FAM227B: variants seen among roughly 807,000 people sequenced by gnomAD.
FAM227B encodes family with sequence similarity 227 member B.
FAM227B carries 88 observed loss-of-function variants against 73.8 expected under a neutral mutation model. That is an observed-to-expected ratio of 1.19 (90% confidence interval 1.00 to 1.42). The LOEUF is 1.42. Among genes scored for constraint, FAM227B ranks in the 40% most tolerant of loss-of-function variants. FAM227B has a pLI of 0.00. For missense variants in FAM227B, 632 were observed against 590.9 expected (o/e 1.07, Z -0.72); for synonymous variants, 210 against 190.5 (o/e 1.10, Z -0.84).
intron 10 of FAM227B, among the ~76,000 whole-genome samples, chr15:49,516,194 C>A (rs1432513180): frequency 6.6e-6 from 1 of 152,072 alleles, no homozygotes; most frequent in Non-Finnish European, 1.5e-5. Flanking sequence ...CCCTTTCCTT[C>A]AGTGACTGCT....
intron 2 of FAM227B, among the ~76,000 whole-genome samples, chr15:49,613,349 C>G (rs1298332103): frequency 6.6e-6 from 1 of 152,060 alleles, no homozygotes; most frequent in African/African-American, 2.4e-5. Flanking sequence ...AAACCCCAGT[C>G]TCTTATAAAA....
chr15:49,388,753 A>G (rs934368582), intron 11 of FAM227B, among the ~76,000 whole-genome samples: 2 of 152,084 alleles, frequency 1.3e-5, no homozygotes, highest in Non-Finnish European at 2.9e-5. Flanking sequence ...AAGGACTAGT[A>G]TCCAGAATGT....
intron 5 of FAM227B, among the ~76,000 whole-genome samples, chr15:49,586,815 A>G (rs1021869994): frequency 6.6e-6 from 1 of 152,120 alleles, no homozygotes; most frequent in Non-Finnish European, 1.5e-5. Context: ...GCAAATCAAA[A>G]CCGCAATGAG....
At chr15:49,544,483 T>C (rs901412906) in intron 9 of FAM227B, among the ~76,000 whole-genome samples, 7 of 152,168 alleles carry the variant, frequency 4.6e-5, no homozygotes, top group Admixed American at 3.9e-4. Flanking sequence ...TTTTTACTCA[T>C]CTGGATGCTC....
chr15:49,535,223 T>G (rs1054772465), intron 10 of FAM227B, among the ~76,000 whole-genome samples: 3 of 151,148 alleles, frequency 2.0e-5, no homozygotes, highest in African/African-American at 7.3e-5. Context: ...ATAAATACAA[T>G]AAAAAGGAAA....
intron 11 of FAM227B, among the ~76,000 whole-genome samples, chr15:49,406,764 C>T (rs1034097702): frequency 1.3e-5 from 2 of 152,044 alleles, no homozygotes; most frequent in Admixed American, 6.5e-5. Flanking sequence ...CCCACCCATA[C>T]GCATGTGTGC....
At chr15:49,412,611 G>C (rs1427482257) in intron 11 of FAM227B, among the ~76,000 whole-genome samples, 1 of 151,830 alleles carries the variant, frequency 6.6e-6, no homozygotes. Flanking sequence ...GAATAAATCA[G>C]TTTTAGGTTT....
At chr15:49,429,914 G>A (rs1315963374) in intron 11 of FAM227B, among the ~76,000 whole-genome samples, 1 of 151,926 alleles carries the variant, frequency 6.6e-6, no homozygotes, top group Non-Finnish European at 1.5e-5. Context: ...TGCAGCTAAG[G>A]TTGCAAACCA....
chr15:49,580,580 T>A (rs1397797999), intron 5 of FAM227B, among the ~76,000 whole-genome samples: 1 of 152,218 alleles, frequency 6.6e-6, no homozygotes, highest in Non-Finnish European at 1.5e-5. Flanking sequence ...AAAGCCAAAG[T>A]GTCTTTTTCC....
At chr15:49,545,489 T>C (rs1378937946) in intron 9 of FAM227B, among the ~76,000 whole-genome samples, 1 of 152,200 alleles carries the variant, frequency 6.6e-6, no homozygotes, top group Non-Finnish European at 1.5e-5. Flanking sequence ...TTCAATTTCA[T>C]TTAGTTCTGC....
chr15:49,452,262 A>G (rs1354365927), intron 11 of FAM227B, among the ~76,000 whole-genome samples: 1 of 152,132 alleles, frequency 6.6e-6, no homozygotes, highest in Non-Finnish European at 1.5e-5. Context: ...TGTGTTGGCC[A>G]GGATGGTCTC....
intron 11 of FAM227B, among the ~76,000 whole-genome samples, chr15:49,407,274 T>C (rs1396693075): frequency 6.6e-6 from 1 of 152,308 alleles, no homozygotes; most frequent in African/African-American, 2.4e-5. Context: ...CTAAGGCCCA[T>C]GGTGAGAGCC....
chr15:49,558,598 G>A (rs1455405926), intron 9 of FAM227B, among the ~76,000 whole-genome samples: 1 of 152,046 alleles, frequency 6.6e-6, no homozygotes, highest in African/African-American at 2.4e-5. Context: ...CCACCTAAGT[G>A]TTCTGCCTGC....
At chr15:49,451,690 G>A (rs953525694) in intron 11 of FAM227B, among the ~76,000 whole-genome samples, 1 of 151,972 alleles carries the variant, frequency 6.6e-6, no homozygotes, top group African/African-American at 2.4e-5. Context: ...TTTTATGTAC[G>A]TCTCAAATCA....
At chr15:49,408,179 T>C (rs998820329) in intron 11 of FAM227B, among the ~76,000 whole-genome samples, 3 of 152,246 alleles carry the variant, frequency 2.0e-5, no homozygotes, top group Non-Finnish European at 2.9e-5. Context: ...TTATTTATAC[T>C]TGCATCTGAA....
chr15:49,549,342 T>TTTATTTATTTG lies in FAM227B; in HGVS notation c.748-7537_748-7536insCAAATAAATAA, dbSNP rs2072456116. Among the ~76,000 whole-genome samples, 8 of 46,648 alleles carry TTTATTTATTTG rather than the reference T, an allele frequency of 1.7e-4. No individual in the cohort carries two copies. In the East Asian group the frequency reaches 0.011, roughly 63 times the overall value. The allele number at this position is 46,648 out of a possible 152,430, so 30.6% of individuals were successfully genotyped here. ...ATGTATTTTATTTATTTATTTATTT[T>TTTATTTATTTG]TATTGATTATTCTTGGGTGTTTCTC... On this transcript the variant is annotated intron_variant, in intron 9 of 15. Coordinates refer to ENST00000299338, the MANE Select transcript of FAM227B (RefSeq NM_152647.3).
At chr15:49,578,512 C>A (rs2075610960) in intron 5 of FAM227B, among the ~76,000 whole-genome samples, 1 of 145,622 alleles carries the variant, frequency 6.9e-6, no homozygotes, top group Admixed American at 6.9e-5. Flanking sequence ...TTTCCACATT[C>A]CTAATTACTC....
chr15:49,577,916 T>A (rs1423183693), intron 5 of FAM227B, among the ~76,000 whole-genome samples: 7 of 152,176 alleles, frequency 4.6e-5, no homozygotes, highest in Admixed American at 4.6e-4. Flanking sequence ...AGGGCTATAA[T>A]AAACAAACTA....
At chr15:49,504,441 A>G (rs1260685290) in intron 11 of FAM227B, among the ~76,000 whole-genome samples, 2 of 151,376 alleles carry the variant, frequency 1.3e-5, no homozygotes, top group Non-Finnish European at 3.0e-5. Flanking sequence ...AAAAGAAAAG[A>G]TCAGATATAT....
Sources: allele counts gnomAD v4.1 joint callset (sites outside exome capture counted in the v4.1 genomes callset), GRCh38; gene constraint gnomAD v4.1.1; transcripts MANE v1.5; gene names NCBI Gene and HGNC (gene_info 2026-07-23, HGNC 2026-07-21).